The following GRHL1 variants were observed in gnomAD, a reference collection of about 807,000 sequenced individuals.
GRHL1 encodes the protein grainyhead like transcription factor 1.
In GRHL1, 38 loss-of-function variants were observed where a neutral mutation model predicts 75.7. The observed-to-expected ratio is 0.50, with a 90% CI of 0.39 to 0.66. GRHL1 has a LOEUF of 0.66. GRHL1 is among the 30% of genes least tolerant of loss of function. The pLI is 0.00. For missense variants in GRHL1, 589 were observed against 767.5 expected (o/e 0.77, Z 2.75); for synonymous variants, 266 against 279.4 (o/e 0.95, Z 0.48).
intron 5 of GRHL1, among the ~76,000 whole-genome samples, chr2:9,962,957 C>T (rs941830500): frequency 1.3e-5 from 2 of 151,232 alleles, no homozygotes; most frequent in Non-Finnish European, 3.0e-5. Flanking sequence ...CAACTTTTTT[C>T]TGAGCTGACA....
chr2:9,978,757 G>A (rs572699869), intron 8 of GRHL1, among the ~76,000 whole-genome samples: 10 of 152,256 alleles, frequency 6.6e-5, no homozygotes, highest in Middle Eastern at 3.4e-3. Flanking sequence ...TTGGGAGGCC[G>A]AGGCAGATGG....
chr2:9,994,883 C>T (rs1352339702), intron 12 of GRHL1, among the ~76,000 whole-genome samples: 12 of 152,172 alleles, frequency 7.9e-5, no homozygotes, highest in Non-Finnish European at 1.3e-4. Context: ...CACCTTTTGG[C>T]TTCCATGATA....
intron 8 of GRHL1, among the ~76,000 whole-genome samples, chr2:9,972,119 C>G (rs1038353737): frequency 5.9e-5 from 9 of 151,532 alleles, no homozygotes; most frequent in Middle Eastern, 3.5e-3. Context: ...GTGAAACTTG[C>G]GTTTTGTGAA....
At chr2:9,998,884 A>G (rs1292523246) in intron 14 of GRHL1, 81 bp from the exon 15 acceptor site, 3 of 287,252 alleles carry the variant, frequency 1.0e-5, no homozygotes, top group Non-Finnish European at 1.8e-5. Flanking sequence ...GTACACATAT[A>G]TATACATATA....
chr2:9,998,111 G>T (rs1668953626), intron 14 of GRHL1, among the ~76,000 whole-genome samples: 4 of 152,166 alleles, frequency 2.6e-5, no homozygotes, highest in Admixed American at 2.6e-4. Context: ...GTTTCTCAGT[G>T]CCACCTTGAG....
rs1157133592 is a variant in GRHL1 at position 9,993,222 on chromosome 2, T to C, written c.1477T>C (p.Ser493Pro). The C allele has an allele frequency of 6.2e-7, 1 of 1,610,786 alleles. No individual in the cohort carries two copies. Among genetic ancestry groups the C allele is most frequent in the Non-Finnish European group, 8.5e-7 (1 of 1,177,050 alleles). ...TTGGTCTTAGGTCCTTCCCATTGCC[T>C]CTGAAGAATTGGAGGGTGAAGGGTA... ...QRGTHVLPIA[S>P]EELEGEGSVL... The change falls in exon 12 of 16, where the codon TCT becomes CCT. Residue 493 changes from serine to proline, a missense_variant. By Grantham distance (74) the Ser-to-Pro change is moderately conservative. Around this residue, in one of 5 missense-constraint regions of GRHL1, gnomAD observed 192 missense variants for 226.6 expected, o/e 0.85. Coordinates refer to ENST00000324907, the MANE Select transcript of GRHL1 (RefSeq NM_198182.3).
chr2:9,972,552 C>T (rs1418752226), intron 8 of GRHL1, among the ~76,000 whole-genome samples: 1 of 152,172 alleles, frequency 6.6e-6, no homozygotes, highest in African/African-American at 2.4e-5. Context: ...GCACTCCCTA[C>T]ATTAACTTAG....
intron 1 of GRHL1, among the ~76,000 whole-genome samples, chr2:9,954,071 A>C (rs1471791052): frequency 1.3e-5 from 2 of 152,218 alleles, no homozygotes; most frequent in African/African-American, 4.8e-5. Flanking sequence ...GTAAGGTTTC[A>C]CTAAGATCGC....
chr2:9,967,615 A>C (rs889457518), intron 8 of GRHL1, among the ~76,000 whole-genome samples: 1 of 129,178 alleles, frequency 7.7e-6, no homozygotes, highest in African/African-American at 3.5e-5. Flanking sequence ...TTTCTTAATG[A>C]GGCTGCTGTC....
At chr2:9,975,502 A>G (rs1667910084) in intron 8 of GRHL1, among the ~76,000 whole-genome samples, 1 of 152,212 alleles carries the variant, frequency 6.6e-6, no homozygotes, top group African/African-American at 2.4e-5. Flanking sequence ...GCAAATATTT[A>G]CTGTTCAGTA....
At chr2:9,973,527 C>A (rs1667822061) in intron 8 of GRHL1, among the ~76,000 whole-genome samples, 1 of 152,228 alleles carries the variant, frequency 6.6e-6, no homozygotes, top group African/African-American at 2.4e-5. Flanking sequence ...ACTCTACTGA[C>A]TTCAGTTGAA....
At chr2:10,000,087 C>G (rs1669205808) in intron 15 of GRHL1, among the ~76,000 whole-genome samples, 1 of 152,170 alleles carries the variant, frequency 6.6e-6, no homozygotes, top group African/African-American at 2.4e-5. Context: ...GGGCTCAGGC[C>G]ATCCTTTCAC....
intron 8 of GRHL1, among the ~76,000 whole-genome samples, chr2:9,980,862 T>C (rs1253829068): frequency 6.6e-6 from 1 of 152,208 alleles, no homozygotes; most frequent in Non-Finnish European, 1.5e-5. Context: ...TGTGTGCTCA[T>C]TCATCTTACT....
At chr2:9,972,849 G>T (rs1454554831) in intron 8 of GRHL1, among the ~76,000 whole-genome samples, 1 of 152,190 alleles carries the variant, frequency 6.6e-6, no homozygotes, top group African/African-American at 2.4e-5. Context: ...GGGGAGAACC[G>T]TGTGCAGGTA....
At chr2:9,952,865 T>C (rs919766827) in intron 1 of GRHL1, 1 of 342,994 alleles carries the variant, frequency 2.9e-6, no homozygotes, top group Non-Finnish European at 5.8e-6. Context: ...GAGATAGATA[T>C]TTTGTATGGA....
intron 8 of GRHL1, among the ~76,000 whole-genome samples, chr2:9,974,443 A>G (rs1667860781): frequency 6.6e-6 from 1 of 152,030 alleles, no homozygotes; most frequent in Admixed American, 6.6e-5. Flanking sequence ...TCTAGCAGAT[A>G]TTTTCTTGAT....
chr2:9,988,877 C>T (rs1485582605), intron 9 of GRHL1, among the ~76,000 whole-genome samples: 2 of 152,014 alleles, frequency 1.3e-5, no homozygotes, highest in African/African-American at 4.8e-5. Context: ...ACAGAAATAC[C>T]TTATTCTTTA....
At chr2:9,966,765 C>G (rs1053338722) in intron 8 of GRHL1, among the ~76,000 whole-genome samples, 2 of 152,056 alleles carry the variant, frequency 1.3e-5, no homozygotes, top group Non-Finnish European at 2.9e-5. Flanking sequence ...ATGTCCAAGA[C>G]AAACATGTGC....
intron 8 of GRHL1, among the ~76,000 whole-genome samples, chr2:9,974,791 C>A (rs138637995): frequency 6.6e-6 from 1 of 152,178 alleles, no homozygotes; most frequent in Non-Finnish European, 1.5e-5. Flanking sequence ...ATTCATTGAG[C>A]GAATTGTTCG....
Sources: allele counts gnomAD v4.1 joint callset (sites outside exome capture counted in the v4.1 genomes callset), GRCh38; gene constraint gnomAD v4.1.1; regional missense constraint gnomAD v4.1.1; transcripts MANE v1.5; gene names NCBI Gene and HGNC (gene_info 2026-07-23, HGNC 2026-07-21).